The following TSHZ3 variants were observed in gnomAD, a reference collection of about 807,000 sequenced individuals.
The protein encoded by TSHZ3 is teashirt homolog 3.
A neutral mutation model predicts 64.5 loss-of-function variants in TSHZ3; 10 were observed. That is an observed-to-expected ratio of 0.16 (90% confidence interval 0.10 to 0.26). The LOEUF (loss-of-function observed/expected upper bound fraction) is 0.26, where lower values mean the gene tolerates loss of function less well. Ranked by LOEUF, TSHZ3 falls within the 10% of genes least tolerant of loss-of-function variation. TSHZ3 has a pLI of 1.00. For synonymous variants in TSHZ3, 608 were observed against 593.1 expected, an observed-to-expected ratio of 1.03 and a Z score of -0.36; for missense variants, 1,242 against 1,421.7, an observed-to-expected ratio of 0.87 and a Z score of 2.03.
At chr19:31,165,112 C>T (rs557677654) in intron 5 of TSHZ3, among the ~76,000 whole-genome samples, 63 of 152,348 alleles carry the variant, frequency 4.1e-4, no homozygotes, top group African/African-American at 1.5e-3. Context: ...CCGGAATCTC[C>T]GCTGCCCAGC....
chr19:31,343,785 GT>G (rs5827763), intron 1 of TSHZ3, among the ~76,000 whole-genome samples: 38 of 128,736 alleles, frequency 3.0e-4, no homozygotes, highest in South Asian at 1.1e-3. Flanking sequence ...TTTTTTTTTT[GT>G]TTTTTTTTTA....
In TSHZ3 at chr19:31,330,916, C is replaced by T. The variant is rs186858550; in HGVS notation, c.40+18264G>A. 8.5e-5 allele frequency among the ~76,000 whole-genome samples: 13 copies of T among 152,152 alleles called. No individual in the cohort carries two copies. In the East Asian group the frequency reaches 2.3e-3, roughly 27 times the overall value. On this transcript the variant is annotated intron_variant, in intron 1 of 1. Transcript: ENST00000240587. ...CCAAAAACTGACATGCATGCTTGTC[C>T]CCCACAGGCACGGGCATGTCCCCAG...
chr19:31,214,279 C>T (rs1975297157), intron 4 of TSHZ3, among the ~76,000 whole-genome samples: 1 of 152,174 alleles, frequency 6.6e-6, no homozygotes, highest in South Asian at 2.1e-4. Flanking sequence ...CTGCATGAGT[C>T]ACTGTGGTTA....
chr19:31,302,800 G>C (rs1976776357), intron 1 of TSHZ3, among the ~76,000 whole-genome samples: 1 of 152,164 alleles, frequency 6.6e-6, no homozygotes, highest in Admixed American at 6.5e-5. Flanking sequence ...ATACTGAGGA[G>C]ACCACAGTTC....
intron 5 of TSHZ3, among the ~76,000 whole-genome samples, chr19:31,180,111 C>T (rs370611011): frequency 1.3e-5 from 2 of 152,046 alleles, no homozygotes; most frequent in South Asian, 2.1e-4. Context: ...TGTTCCTTAC[C>T]CCTCTGTGAG....
intron 1 of TSHZ3, among the ~76,000 whole-genome samples, chr19:31,311,506 G>T (rs573588619): frequency 1.3e-5 from 2 of 152,184 alleles, no homozygotes; most frequent in African/African-American, 2.4e-5. Flanking sequence ...GGAAGGAGAC[G>T]TCTTGGTCCT....
chr19:31,316,116 C>T (rs937927565), intron 1 of TSHZ3, among the ~76,000 whole-genome samples: 5 of 152,106 alleles, frequency 3.3e-5, no homozygotes, highest in South Asian at 2.1e-4. Context: ...AGAAGTCTGA[C>T]GCCCCTAAGA....
intron 1 of TSHZ3, among the ~76,000 whole-genome samples, chr19:31,318,939 G>A (rs987062809): frequency 2.0e-5 from 3 of 152,154 alleles, no homozygotes; most frequent in African/African-American, 7.2e-5. Flanking sequence ...CCTCCTCATG[G>A]GCTCCTCCCA....
intron 4 of TSHZ3, among the ~76,000 whole-genome samples, chr19:31,224,510 G>A (rs112312381): frequency 3.9e-4 from 60 of 152,318 alleles, no homozygotes; most frequent in African/African-American, 1.4e-3. Flanking sequence ...CTCCAATGAT[G>A]TCTCCATACA....
At chr19:31,309,264 T>C (rs1004310694) in intron 1 of TSHZ3, among the ~76,000 whole-genome samples, 5 of 152,010 alleles carry the variant, frequency 3.3e-5, no homozygotes, top group Admixed American at 6.5e-5. Flanking sequence ...GGGTGCGTGA[T>C]GTAAGAGGGT....
intron 4 of TSHZ3, among the ~76,000 whole-genome samples, chr19:31,221,789 G>A (rs1336521276): frequency 6.6e-6 from 1 of 152,180 alleles, no homozygotes; most frequent in Non-Finnish European, 1.5e-5. Flanking sequence ...GCACTTCCTG[G>A]TGGCTTGGTG....
At position 31,197,665 on chromosome 19, in the gene TSHZ3, G is replaced by T. The variant is rs79017623; in HGVS notation, n.809+7291C>A. ...GGACATTCAAAGCATAATAAAGAAT[G>T]ATTATAAGCAATCTATGTCCACAAA... is the stretch of plus-strand genomic sequence containing the variant. On this transcript the variant is annotated intron_variant and non_coding_transcript_variant, in intron 5 of 6. Transcript: ENST00000651361. Among the ~76,000 whole-genome samples the T allele has an allele frequency of 2.6e-5, 4 of 151,954 alleles. No homozygotes were observed. In the East Asian group the frequency reaches 7.7e-4, roughly 29 times the overall value.
intron 3 of TSHZ3, among the ~76,000 whole-genome samples, chr19:31,235,103 T>C (rs934988911): frequency 6.6e-6 from 1 of 152,248 alleles, no homozygotes; most frequent in African/African-American, 2.4e-5. Flanking sequence ...TACAATGTGA[T>C]GTTTTGAGCT....
intron 4 of TSHZ3, among the ~76,000 whole-genome samples, chr19:31,209,341 A>T (rs1384467425): frequency 6.6e-6 from 1 of 152,216 alleles, no homozygotes; most frequent in Non-Finnish European, 1.5e-5. Context: ...ATTACTGGAC[A>T]CTTGCCATTT....
At chr19:31,164,720 G>A (rs1974420495) in intron 5 of TSHZ3, among the ~76,000 whole-genome samples, 1 of 152,138 alleles carries the variant, frequency 6.6e-6, no homozygotes, top group Admixed American at 6.5e-5. Flanking sequence ...GTGCATGAAG[G>A]CTCCTGTTCC....
rs755809145 is a variant in TSHZ3 at position 31,276,596 on chromosome 19, T to G, written c.3197A>C (p.Lys1066Thr). The change falls in exon 2 of 2, where the codon AAA (lysine) becomes ACA (threonine). Residue 1066 changes from lysine (K) to threonine (T), a missense_variant. Lys to Thr is a moderately conservative substitution (Grantham distance 78). Coordinates refer to ENST00000240587, the MANE Select transcript of TSHZ3 (RefSeq NM_020856.4). ...VKLHLSKTHG[K>T]SPEDHLLYVS... The stretch of plus-strand genomic sequence containing the variant: ...ATACAGAAGGTGGTCTTCCGGAGAT[T>G]TCCCGTGTGTTTTGCTAAGGTGAAG... 3.8e-6 allele frequency: 6 copies of G among 1,594,004 alleles called. No individual in the cohort carries two copies. In the East Asian group the frequency reaches 1.3e-4, roughly 36 times the overall value.
intron 3 of TSHZ3, among the ~76,000 whole-genome samples, chr19:31,230,274 A>T (rs777271042): frequency 3.3e-4 from 51 of 152,308 alleles, no homozygotes; most frequent in Non-Finnish European, 6.6e-4. Context: ...TGGGGAAAAA[A>T]GTTGCAAACC....
intron 1 of TSHZ3, among the ~76,000 whole-genome samples, chr19:31,292,865 G>A (rs2145131880): frequency 7.0e-6 from 1 of 142,598 alleles, no homozygotes. Context: ...CATTCTTCTA[G>A]CCATCCCAAA....
At chr19:31,158,553 G>A (rs574692379) in intron 5 of TSHZ3, among the ~76,000 whole-genome samples, 6 of 152,258 alleles carry the variant, frequency 3.9e-5, no homozygotes, top group Admixed American at 1.3e-4. Context: ...GACTGGTTTC[G>A]TGGAAGACAA....
Sources: allele counts gnomAD v4.1 joint callset (sites outside exome capture counted in the v4.1 genomes callset), GRCh38; gene constraint gnomAD v4.1.1; transcripts MANE v1.5; gene names NCBI Gene and HGNC (gene_info 2026-07-23, HGNC 2026-07-21).